TULP1: variants seen among roughly 807,000 people sequenced by gnomAD.
TULP1 encodes tubby-related protein 1.
TULP1 carries 50 observed loss-of-function variants against 67.1 expected under a neutral mutation model. That is an observed-to-expected ratio of 0.75 (90% CI 0.59 to 0.94). The LOEUF is 0.94. Ranked by LOEUF, TULP1 falls within the 40% of genes least tolerant of loss-of-function variation. The pLI is 0.00. For missense variants in TULP1, 746 were observed against 734.1 expected (o/e 1.02, Z -0.19); for synonymous variants, 297 against 294.0 (o/e 1.01, Z -0.11).
In TULP1 at chr6:35,511,796, C is replaced by A. The variant is rs769453064; in HGVS notation, c.201G>T (p.Thr67=). The A allele has an allele frequency of 1.3e-6, 2 of 1,561,886 alleles. No individual in the cohort carries two copies. Among genetic ancestry groups the A allele is most frequent in the Non-Finnish European group, 1.7e-6 (2 of 1,153,398 alleles). Residue 67 remains threonine, a synonymous_variant, in exon 4 of 15, where the codon ACG becomes ACT. Coordinates refer to ENST00000229771, the MANE Select transcript of TULP1 (RefSeq NM_003322.6). ...SKPRKPGAGR[T]GRPREEPSPD... ...GGGAAGGCTCCTCCCGCGGCCTCCC[C>A]GTCCGCCCAGCTGAGCCGAGATGCG...
chr6:35,512,170 C>G lies in TULP1; in HGVS notation c.190+10G>C. On this transcript the variant is annotated intron_variant, in intron 3 of 14. Transcript: ENST00000229771. Reference sequence around the variant, plus strand: ...CCTGGGGGTCCACCCGGGCTCTGCACCCCGCCCACCTCCGGGCTTCCGGGG... The same window carrying G: ...CCTGGGGGTCCACCCGGGCTCTGCAGCCCGCCCACCTCCGGGCTTCCGGGG... The G allele has an allele frequency of 7.4e-7, 1 of 1,347,324 alleles. No individual in the cohort carries two copies. Among genetic ancestry groups the G allele is most frequent in the Non-Finnish European group, 9.5e-7 (1 of 1,049,656 alleles). The allele number at this position is 1,347,324 out of a possible 1,614,324, so 83.5% of individuals were successfully genotyped here. A position where few individuals can be genotyped will look rare whatever the true frequency, so the allele number is the denominator to read the frequency against.
chr6:35,510,620 T>C, intron 5 of TULP1: 1 of 715,306 alleles, frequency 1.4e-6, no homozygotes, highest in South Asian at 2.0e-5. Flanking sequence ...TAGAATCCTC[T>C]GTCCTCCTCT....
In TULP1 at chr6:35,509,185, C is replaced by G. The variant is rs1761140645; in HGVS notation, c.822+24G>C. The G allele has an allele frequency of 2.5e-6, 4 of 1,602,792 alleles. No individual in the cohort carries two copies. In the African/African-American group the frequency reaches 4.0e-5, roughly 16 times the overall value. ...CCTCTGCTCCCTGAAGGGACCTCAG[C>G]CCCCTGCCCCTCTGGGCCCCAACCT... On this transcript the variant is annotated intron_variant, in intron 8 of 14. Transcript: ENST00000229771.
At chr6:35,511,166 G>C (rs1448608966) in intron 4 of TULP1, 156 bp from the exon 5 acceptor site, 8 of 1,483,224 alleles carry the variant, frequency 5.4e-6, no homozygotes, top group Non-Finnish European at 7.2e-6. Flanking sequence ...CTTCCCAGAA[G>C]AATGAGGGTG....
Position 35,509,350 on chromosome 6 carries a change from A to C in TULP1, c.719-38T>G, listed in dbSNP as rs1400233563. 3 of 1,596,598 alleles carry C rather than the reference A, an allele frequency of 1.9e-6. No individual in the cohort carries two copies. In the African/African-American group the frequency reaches 4.0e-5, roughly 21 times the overall value. On this transcript the variant is annotated intron_variant, in intron 7 of 14. Coordinates refer to ENST00000229771, the MANE Select transcript of TULP1 (RefSeq NM_003322.6). ...GGGGAAACAAGGCTGTGAACTCCTC[A>C]CCCTGGTTTGCAAAGTGCTTCCAAC...
chr6:35,505,444 T>G (rs1400705753), intron 11 of TULP1: 5 of 587,460 alleles, frequency 8.5e-6, no homozygotes, highest in African/African-American at 5.6e-5. Flanking sequence ...GCAGGCACAG[T>G]GCCTGCCCTC....
intron 2 of TULP1, 47 bp downstream of exon 2, chr6:35,512,592 C>T (rs775022902): frequency 6.2e-7 from 1 of 1,613,668 alleles, no homozygotes; most frequent in Non-Finnish European, 8.5e-7. Flanking sequence ...TGGGTTTACG[C>T]ACAGCGGGGA....
In TULP1 at chr6:35,506,220, C is replaced by G. The variant is rs201519151; in HGVS notation, c.829-47G>C. Reference sequence around the variant, plus strand: ...ATCAGCCCCAGAGCACCAGCTCCCCCGCTCCCAGCAGGTCCCAGTGCTGAG... The same window carrying G: ...ATCAGCCCCAGAGCACCAGCTCCCCGGCTCCCAGCAGGTCCCAGTGCTGAG... On this transcript the variant is annotated intron_variant, in intron 9 of 14. Coordinates refer to ENST00000229771, the MANE Select transcript of TULP1 (RefSeq NM_003322.6). 8.8e-5 allele frequency: 142 copies of G among 1,610,220 alleles called. No homozygotes were observed. The East Asian group carries it at 2.7e-3, about 30-fold the overall frequency.
chr6:35,503,524 TAGGGAGCCAGGGGCC>T lies in TULP1; in HGVS notation c.1323+20_1323+34del, dbSNP rs761416231. ...TGAGCCCCGACTCCTGTTTCTCACA[TAGGGAGCCAGGGGCC>T]AGGGAGGTGCGGGGCTCACATTTCG... is the stretch of plus-strand genomic sequence containing the variant. On this transcript the variant is annotated intron_variant, in intron 13 of 14. Coordinates refer to ENST00000229771, the MANE Select transcript of TULP1 (RefSeq NM_003322.6). This position sits in a 1 kb window ranked among gnomAD's most constrained non-coding sequence, Gnocchi z 4.0. 666 of 1,546,394 alleles carry T rather than the reference TAGGGAGCCAGGGGCC, an allele frequency of 4.3e-4. No individual in the cohort carries two copies. Among genetic ancestry groups the T allele is most frequent in the Middle Eastern group, 8.4e-4 (5 of 5,982 alleles).
rs758811222 is a variant in TULP1 at position 35,511,689 on chromosome 6, C to T, written c.308G>A (p.Arg103Gln). The T allele has an allele frequency of 5.0e-6, 8 of 1,594,484 alleles. No homozygotes were observed. Among genetic ancestry groups the T allele is most frequent in the South Asian group, 3.4e-5 (3 of 87,642 alleles). The change falls in exon 4 of 15, where the codon CGG becomes CAG. Residue 103 changes from arginine (R) to glutamine (Q), a missense_variant. Around this residue, in one of 3 missense-constraint regions of TULP1, gnomAD observed 359 missense variants for 341.9 expected, o/e 1.05. Coordinates refer to ENST00000229771, the MANE Select transcript of TULP1 (RefSeq NM_003322.6). ...GGCACGGGCTACCAGAAAGGTTTCC[C>T]GGGGGTCGCGCTTCTTGGCCTCGGG... ...RDPEAKKRDPRETFLVARAPD... is the reference protein window; with the variant it reads ...RDPEAKKRDPQETFLVARAPD...
Position 35,509,644 on chromosome 6 carries a change from C to T in TULP1, c.708G>A (p.Leu236=), listed in dbSNP as rs1202761331. The change falls in exon 7 of 15, where the codon CTG becomes CTA. Residue 236 remains leucine (L), a synonymous_variant. Transcript: ENST00000229771. ...GCCCTTGCCATCCACCTTTCTTCTT[C>T]AGGGCTTTCTTGTCAGGACTGCCTT... ...VGEGSPDKKA[L]KKKGTPKGAR... 3.1e-6 allele frequency: 5 copies of T among 1,614,130 alleles called. No individual in the cohort carries two copies. Among genetic ancestry groups the T allele is most frequent in the South Asian group, 2.2e-5 (2 of 91,084 alleles).
chr6:35,501,807 G>A (rs768046585), intron 13 of TULP1, among the ~76,000 whole-genome samples: 30 of 152,236 alleles, frequency 2.0e-4, no homozygotes, highest in South Asian at 6.2e-4. Flanking sequence ...GCGAGACTCC[G>A]TCTCAAAACA....
At chr6:35,501,518 A>AAAT (rs1760960022) in intron 13 of TULP1, among the ~76,000 whole-genome samples, 1 of 149,258 alleles carries the variant, frequency 6.7e-6, no homozygotes, top group African/African-American at 2.5e-5. Flanking sequence ...AGAAAAAAAA[A>AAAT]AAAAAAAAAA....
intron 11 of TULP1, 156 bp downstream of exon 11, chr6:35,505,585 T>G: frequency 4.6e-6 from 7 of 1,529,886 alleles, no homozygotes; most frequent in Non-Finnish European, 6.1e-6. Flanking sequence ...GCTCCCCACA[T>G]GATCTATGTA....
rs930785102 is a variant in TULP1 at position 35,498,986 on chromosome 6, C to G, written c.1496-526G>C. 6.6e-6 allele frequency among the ~76,000 whole-genome samples: 1 copy of G among 152,162 alleles called. No individual in the cohort carries two copies. The highest frequency in any genetic ancestry group is 2.4e-5 in the African/African-American group (1 of 41,440). ...GACAGGAAGTTGCTAAAAATACCCC[C>G]AAACTCAGGTGGACGAGGCTCCACC... On this transcript the variant is annotated intron_variant, in intron 14 of 14. Coordinates refer to ENST00000229771, the MANE Select transcript of TULP1 (RefSeq NM_003322.6). The surrounding 1 kb of genome is among the most constrained non-coding windows in gnomAD (Gnocchi z 6.7).
Position 35,509,248 on chromosome 6 carries a change from C to G in TULP1, c.783G>C (p.Lys261Asn), listed in dbSNP as rs2064318. Residue 261 changes from lysine to asparagine, a missense_variant, in exon 8 of 15, where the codon AAG becomes AAC. This residue lies in a region of TULP1 where 4 missense variants were observed against 18.1 expected (regional missense o/e 0.22). Coordinates refer to ENST00000229771, the MANE Select transcript of TULP1 (RefSeq NM_003322.6). ...EEEEAATVIK[K>N]SNQKGKAKGK... Reference sequence around the variant, plus strand: ...CTTTGGCTTTGCCCTTTTGATTGCTCTTCTTTATCACCGTAGCTGCCTCCT... The same window carrying G: ...CTTTGGCTTTGCCCTTTTGATTGCTGTTCTTTATCACCGTAGCTGCCTCCT... The G allele has an allele frequency of 0.82, 1,323,167 of 1,613,322 alleles. 543,689 individuals carry two copies. Among genetic ancestry groups the G allele is most frequent in the African/African-American group, 0.9 (67,632 of 74,932 alleles).
rs373962196 is a variant in TULP1 at position 35,509,319 on chromosome 6, G to T, written c.719-7C>A. The T allele has an allele frequency of 2.5e-6, 4 of 1,613,610 alleles. No homozygotes were observed. Among genetic ancestry groups the T allele is most frequent in the Non-Finnish European group, 3.4e-6 (4 of 1,179,642 alleles). On this transcript the variant is annotated splice_region_variant and splice_polypyrimidine_tract_variant and intron_variant, in intron 7 of 14. Coordinates refer to ENST00000229771, the MANE Select transcript of TULP1 (RefSeq NM_003322.6). ...CTCGCGCCTTTGGGAGTGCCTGAGC[G>T]TGGAGGGGGAAACAAGGCTGTGAAC...
intron 3 of TULP1, 89 bp downstream of exon 3, chr6:35,512,090 AG>A (rs1245381750): frequency 4.4e-5 from 28 of 636,858 alleles, no homozygotes; most frequent in Non-Finnish European, 6.0e-5. Flanking sequence ...ACCCCGTTCC[AG>A]GGCTCGGCGA....
chr6:35,511,694 G>A lies in TULP1; in HGVS notation c.303C>T (p.Asp101=), dbSNP rs950379286. 1.3e-5 allele frequency: 21 copies of A among 1,594,402 alleles called. No individual in the cohort carries two copies. Among genetic ancestry groups the A allele is most frequent in the Non-Finnish European group, 1.8e-5 (21 of 1,170,414 alleles). Reference sequence around the variant, plus strand: ...GGGCTACCAGAAAGGTTTCCCGGGGGTCGCGCTTCTTGGCCTCGGGGTCCC... The same window carrying A: ...GGGCTACCAGAAAGGTTTCCCGGGGATCGCGCTTCTTGGCCTCGGGGTCCC... The part of the protein sequence containing the change: ...FLRDPEAKKR[D]PRETFLVARA... The change falls in exon 4 of 15, where the codon GAC becomes GAT. Residue 101 remains aspartate, a synonymous_variant. Transcript: ENST00000229771.
Sources: allele counts gnomAD v4.1 joint callset (sites outside exome capture counted in the v4.1 genomes callset), GRCh38; gene constraint gnomAD v4.1.1; regional missense constraint gnomAD v4.1.1; non-coding constraint Gnocchi (gnomAD v3.1); transcripts MANE v1.5; gene names NCBI Gene and HGNC (gene_info 2026-07-23, HGNC 2026-07-21).